Variants in TRAF3 observed in about 807,000 individuals in gnomAD.
TRAF3 encodes the protein TNF receptor associated factor 3, also known as TNF receptor-associated factor 3.
In TRAF3, 13 loss-of-function variants were observed where a neutral mutation model predicts 62.3. That is an observed-to-expected ratio of 0.21 (90% CI 0.14 to 0.33). TRAF3 has a LOEUF of 0.33. Ranked by LOEUF, TRAF3 falls within the 10% of genes least tolerant of loss-of-function variation. The pLI is 1.00. For missense variants in TRAF3, 440 were observed against 741.8 expected, an observed-to-expected ratio of 0.59 and a Z score of 4.73; for synonymous variants, 269 against 283.4, an observed-to-expected ratio of 0.95 and a Z score of 0.51.
intron 2 of TRAF3, among the ~76,000 whole-genome samples, chr14:102,863,094 G>A (rs775879799): frequency 2.4e-4 from 37 of 152,088 alleles, no homozygotes; most frequent in Non-Finnish European, 4.0e-4. Flanking sequence ...TCATCCATAC[G>A]TCTAATGCCT....
intron 2 of TRAF3, among the ~76,000 whole-genome samples, chr14:102,832,583 A>T (rs1339104198): frequency 6.6e-6 from 1 of 152,182 alleles, no homozygotes; most frequent in African/African-American, 2.4e-5. Context: ...CTGAGGCAGA[A>T]TTGCTTGAAC....
chr14:102,893,832 T>G (rs933465128), intron 9 of TRAF3, among the ~76,000 whole-genome samples: 1 of 152,230 alleles, frequency 6.6e-6, no homozygotes, highest in African/African-American at 2.4e-5. Context: ...CCAGCTCGGC[T>G]CTGCACGTTC....
intron 7 of TRAF3, among the ~76,000 whole-genome samples, chr14:102,887,690 G>T (rs1889473992): frequency 1.3e-5 from 2 of 152,142 alleles, no homozygotes; most frequent in Non-Finnish European, 2.9e-5. Flanking sequence ...TGCCTCCTGG[G>T]TTCACACCAT....
intron 1 of TRAF3, among the ~76,000 whole-genome samples, chr14:102,795,992 G>A (rs1349019958): frequency 1.3e-5 from 2 of 152,142 alleles, no homozygotes; most frequent in Non-Finnish European, 2.9e-5. Flanking sequence ...TGAGGCGGGC[G>A]GATCACCTGA....
At chr14:102,849,281 A>G (rs1336178878) in intron 2 of TRAF3, among the ~76,000 whole-genome samples, 1 of 152,166 alleles carries the variant, frequency 6.6e-6, no homozygotes, top group Non-Finnish European at 1.5e-5. Flanking sequence ...CTCCAGCCCC[A>G]TGTGGCAGGC....
At chr14:102,899,729 G>A (rs1890181596) in intron 10 of TRAF3, among the ~76,000 whole-genome samples, 1 of 152,314 alleles carries the variant, frequency 6.6e-6, no homozygotes, top group East Asian at 1.9e-4. Flanking sequence ...GATGGCGGGA[G>A]TCGAAGCACA....
intron 1 of TRAF3, among the ~76,000 whole-genome samples, chr14:102,786,739 C>G (rs1382740605): frequency 6.6e-6 from 1 of 152,128 alleles, no homozygotes. Context: ...AGTCCCAGCA[C>G]TTTGAGAGGA....
At chr14:102,879,043 A>G (rs1595388822) in intron 6 of TRAF3, among the ~76,000 whole-genome samples, 1 of 149,938 alleles carries the variant, frequency 6.7e-6, no homozygotes, top group Non-Finnish European at 1.5e-5. Flanking sequence ...GGCTTGGGGG[A>G]GAATGGGGAG....
intron 6 of TRAF3, among the ~76,000 whole-genome samples, chr14:102,879,476 T>C (rs1008223722): frequency 6.6e-6 from 1 of 151,968 alleles, no homozygotes; most frequent in Non-Finnish European, 1.5e-5. Flanking sequence ...CAGTCTGGTC[T>C]CAAAACTCCT....
intron 2 of TRAF3, among the ~76,000 whole-genome samples, chr14:102,853,619 G>C (rs570371289): frequency 3.3e-5 from 5 of 152,000 alleles, no homozygotes; most frequent in Non-Finnish European, 7.4e-5. Flanking sequence ...CAGATCACCT[G>C]AGGTCAAGAG....
intron 1 of TRAF3, among the ~76,000 whole-genome samples, chr14:102,829,109 C>T (rs770476951): frequency 1.3e-5 from 2 of 152,052 alleles, no homozygotes; most frequent in Non-Finnish European, 2.9e-5. Flanking sequence ...AGAGTCAGAG[C>T]GGAGATTTAT....
At chr14:102,858,393 T>C (rs913417121) in intron 2 of TRAF3, among the ~76,000 whole-genome samples, 5 of 152,176 alleles carry the variant, frequency 3.3e-5, no homozygotes, top group Non-Finnish European at 5.9e-5. Context: ...CCTCAGGTGA[T>C]CCACCCACCT....
intron 9 of TRAF3, 98 bp downstream of exon 9, chr14:102,891,515 A>G: frequency 7.8e-7 from 1 of 1,284,674 alleles, no homozygotes; most frequent in Non-Finnish European, 1.1e-6. Context: ...GTTTTGGATA[A>G]AAGAAACTAT....
rs564022092 is a variant in TRAF3 at position 102,851,741 on chromosome 14, C to A, written c.-17-18444C>A. On this transcript the variant is annotated intron_variant, in intron 2 of 11. Coordinates refer to ENST00000392745, the MANE Select transcript of TRAF3 (RefSeq NM_145725.3). ...CCTGGGCGACAGAGCAAGACTCTGC[C>A]TCAAAAAAAAAGAAATTATCATCAC... 1.7e-3 allele frequency among the ~76,000 whole-genome samples: 260 copies of A among 149,976 alleles called. 1 individual carries two copies. Among genetic ancestry groups the A allele is most frequent in the African/African-American group, 6.3e-3 (255 of 40,766 alleles).
chr14:102,901,147 T>C (rs1244242517), intron 10 of TRAF3, among the ~76,000 whole-genome samples: 2 of 152,238 alleles, frequency 1.3e-5, no homozygotes, highest in Non-Finnish European at 2.9e-5. Context: ...TGTGTGTTCC[T>C]GACTCGGGGG....
intron 6 of TRAF3, among the ~76,000 whole-genome samples, chr14:102,879,752 T>C (rs1282772473): frequency 6.6e-6 from 1 of 152,062 alleles, no homozygotes; most frequent in Non-Finnish European, 1.5e-5. Flanking sequence ...TCTGTAATTT[T>C]CCTGTGTCCA....
intron 2 of TRAF3, among the ~76,000 whole-genome samples, chr14:102,846,110 G>A (rs1886705930): frequency 6.6e-6 from 1 of 151,920 alleles, no homozygotes. Context: ...TCTGATGGGA[G>A]TGCACATTAC....
At chr14:102,851,395 TTCCTGCCTGTCCACAGC>T in intron 2 of TRAF3, among the ~76,000 whole-genome samples, 1 of 152,354 alleles carries the variant, frequency 6.6e-6, no homozygotes, top group East Asian at 1.9e-4. Context: ...AGACACGGGA[TTCCTGCCTGTCCACAGC>T]TCAGTGTGAA....
chr14:102,885,485 G>A (rs1171727054), intron 6 of TRAF3, among the ~76,000 whole-genome samples: 1 of 152,146 alleles, frequency 6.6e-6, no homozygotes, highest in East Asian at 1.9e-4. Flanking sequence ...CTTGTGGGGA[G>A]TCCTTGCCCT....
Sources: gnomAD v4.1 joint callset for allele counts (sites outside exome capture counted in the v4.1 genomes callset) on GRCh38, gnomAD v4.1.1 for gene constraint, MANE v1.5 for transcripts, NCBI Gene and HGNC (gene_info 2026-07-23, HGNC 2026-07-21) for gene names.